TENM3: variants seen among roughly 807,000 people sequenced by gnomAD.
TENM3 encodes teneurin-3.
A neutral mutation model predicts 255.1 loss-of-function variants in TENM3; 63 were observed. That is an observed-to-expected ratio of 0.25 (90% CI 0.20 to 0.30). The LOEUF (loss-of-function observed/expected upper bound fraction) is 0.30. Among genes scored for constraint, TENM3 ranks in the 10% least tolerant of loss-of-function variants. The pLI, the probability that TENM3 is intolerant of heterozygous loss-of-function variation, is 1.00. For synonymous variants in TENM3, 1,306 were observed against 1,322.3 expected (o/e 0.99, Z 0.27); for missense variants, 2,929 against 3,461.1 (o/e 0.85, Z 3.86).
the TENM3 span, among the ~76,000 whole-genome samples, chr4:182,014,442 C>CA: frequency 6.6e-6 from 1 of 152,008 alleles, no homozygotes; most frequent in East Asian, 1.9e-4. Flanking sequence ...AAAGCTGGCT[C>CA]AAAAAATGAA....
At chr4:181,593,933 A>G in the TENM3 span, among the ~76,000 whole-genome samples, 1 of 152,072 alleles carries the variant, frequency 6.6e-6, no homozygotes, top group Non-Finnish European at 1.5e-5. Flanking sequence ...GGCATGTTCT[A>G]GCAATCCTGA....
intron 1 of TENM3, among the ~76,000 whole-genome samples, chr4:182,180,112 TAA>T (rs1051019992): frequency 6.9e-6 from 1 of 143,946 alleles, no homozygotes; most frequent in Non-Finnish European, 1.6e-5. Context: ...ACTTTCAGGG[TAA>T]AAAAAAAATC....
chr4:182,782,573 A>G (rs112435659), intron 24 of TENM3, among the ~76,000 whole-genome samples: 1 of 73,632 alleles, frequency 1.4e-5, no homozygotes, highest in Admixed American at 1.7e-4. Flanking sequence ...TATTAGGTCC[A>G]CTTGGTGCAG....
At chr4:181,560,778 C>T in the TENM3 span, among the ~76,000 whole-genome samples, 1 of 152,106 alleles carries the variant, frequency 6.6e-6, no homozygotes, top group African/African-American at 2.4e-5. Flanking sequence ...TCCGGGAAGG[C>T]GTGCCCAGCA....
chr4:182,222,364 G>C (rs796601920), intron 1 of TENM3, among the ~76,000 whole-genome samples: 1 of 152,154 alleles, frequency 6.6e-6, no homozygotes, highest in East Asian at 1.9e-4. Context: ...AACAAATCTC[G>C]CTTAACTCCT....
At chr4:181,786,279 C>T in the TENM3 span, among the ~76,000 whole-genome samples, 2 of 152,188 alleles carry the variant, frequency 1.3e-5, no homozygotes, top group East Asian at 3.9e-4. Context: ...ATCTCCTTCA[C>T]CCTCTGAAGG....
the TENM3 span, among the ~76,000 whole-genome samples, chr4:181,793,367 G>A: frequency 6.6e-6 from 1 of 152,154 alleles, no homozygotes; most frequent in African/African-American, 2.4e-5. Context: ...AACTCGCTGA[G>A]CCCACAGAGC....
intron 5 of TENM3, among the ~76,000 whole-genome samples, chr4:182,646,358 A>G (rs1331720315): frequency 6.6e-6 from 1 of 152,222 alleles, no homozygotes; most frequent in African/African-American, 2.4e-5. Context: ...AAAGGAAAAT[A>G]AAGTATTGAT....
At chr4:182,795,980 TA>T (rs1247385803) in intron 26 of TENM3, among the ~76,000 whole-genome samples, 2 of 152,178 alleles carry the variant, frequency 1.3e-5, no homozygotes, top group African/African-American at 4.8e-5. Flanking sequence ...CACATGGCAA[TA>T]TTTTAAAATA....
chr4:182,042,766 T>C, the TENM3 span, among the ~76,000 whole-genome samples: 48,022 of 151,950 alleles, frequency 0.32, 7,888 homozygotes, highest in African/African-American at 0.4. Flanking sequence ...TTAGAGGGCA[T>C]GCATACATCT....
chr4:182,673,748 G>A (rs1466781104), intron 7 of TENM3, among the ~76,000 whole-genome samples: 2 of 152,124 alleles, frequency 1.3e-5, no homozygotes, highest in Non-Finnish European at 2.9e-5. Context: ...GAGATGAAGA[G>A]GCAAGAGAGC....
intron 3 of TENM3, among the ~76,000 whole-genome samples, chr4:182,525,220 G>C (rs1739033917): frequency 6.6e-6 from 1 of 152,176 alleles, no homozygotes; most frequent in African/African-American, 2.4e-5. Flanking sequence ...ATTTATGAAA[G>C]AATTGCCCAT....
intron 1 of TENM3, among the ~76,000 whole-genome samples, chr4:182,306,493 G>C (rs542268376): frequency 6.6e-6 from 1 of 152,210 alleles, no homozygotes; most frequent in East Asian, 1.9e-4. Context: ...GAATCTTTGA[G>C]TTACCTGGAT....
the TENM3 span, among the ~76,000 whole-genome samples, chr4:181,685,701 G>GC: frequency 6.6e-6 from 1 of 151,914 alleles, no homozygotes; most frequent in South Asian, 2.1e-4. Context: ...TGGGCACCCT[G>GC]CCCCCACCCA....
rs564237553 is a variant in TENM3, at chr4:182,781,191, G to A, written c.5304+6038G>A. ...CCATTCAGTATGATATTGGCTGTGG[G>A]TTTGTCATAGATAGCTCTTATTATT... On this transcript the variant is annotated intron_variant, in intron 24 of 27. Coordinates refer to ENST00000511685, the MANE Select transcript of TENM3 (RefSeq NM_001080477.4). Among the ~76,000 whole-genome samples, 1,131 of 151,480 alleles carry A rather than the reference G, an allele frequency of 7.5e-3. 14 individuals are homozygous for A. The highest frequency in any genetic ancestry group is 0.026 in the African/African-American group (1,066 of 41,196).
At chr4:182,503,036 C>A (rs1252902016) in intron 3 of TENM3, among the ~76,000 whole-genome samples, 1 of 149,948 alleles carries the variant, frequency 6.7e-6, no homozygotes, top group Admixed American at 6.7e-5. Context: ...TTTAGACAAT[C>A]CATCTGCTAA....
At chr4:181,859,883 CA>C in the TENM3 span, among the ~76,000 whole-genome samples, 1 of 151,996 alleles carries the variant, frequency 6.6e-6, no homozygotes, top group Non-Finnish European at 1.5e-5. Context: ...AAACTTCCTT[CA>C]AAGCTATTAT....
intron 3 of TENM3, among the ~76,000 whole-genome samples, chr4:182,533,464 A>C (rs1560884823): frequency 6.6e-6 from 1 of 151,486 alleles, no homozygotes; most frequent in Non-Finnish European, 1.5e-5. Context: ...ACTTGAGCCC[A>C]GGAAGTCGAG....
the TENM3 span, among the ~76,000 whole-genome samples, chr4:181,728,812 G>A: frequency 6.6e-6 from 1 of 152,040 alleles, no homozygotes; most frequent in South Asian, 2.1e-4. Flanking sequence ...CTTTTACCCA[G>A]CCCCTTTTCA....
Sources: gnomAD v4.1 joint callset for allele counts (sites outside exome capture counted in the v4.1 genomes callset) on GRCh38, gnomAD v4.1.1 for gene constraint, MANE v1.5 for transcripts, NCBI Gene and HGNC (gene_info 2026-07-23, HGNC 2026-07-21) for gene names.